RGS7: variants seen among roughly 807,000 people sequenced by gnomAD.
RGS7 encodes the protein regulator of G-protein signaling 7.
A neutral mutation model predicts 81.1 loss-of-function variants in RGS7; 27 were observed. The observed-to-expected ratio is 0.33, with a 90% confidence interval of 0.25 to 0.46. The LOEUF (loss-of-function observed/expected upper bound fraction) is 0.46, where lower values mean the gene tolerates loss of function less well. RGS7 is among the 20% of genes least tolerant of loss of function. RGS7 has a pLI of 1.00. For synonymous variants in RGS7, 208 were observed against 207.7 expected (o/e 1.00, Z -0.01); for missense variants, 396 against 607.4 (o/e 0.65, Z 3.66).
chr1:241,076,891 T>C (rs150420727), intron 3 of RGS7, among the ~76,000 whole-genome samples: 556 of 152,312 alleles, frequency 3.7e-3, no homozygotes, highest in Middle Eastern at 0.024. Flanking sequence ...TTTGTTCTCA[T>C]GGTAAAAATC....
intron 9 of RGS7, among the ~76,000 whole-genome samples, chr1:240,837,576 A>C (rs917915401): frequency 6.6e-6 from 1 of 152,182 alleles, no homozygotes; most frequent in Non-Finnish European, 1.5e-5. Flanking sequence ...GTGGGCTTAA[A>C]TGGGTCATCA....
At chr1:241,203,952 C>T (rs148080010) in intron 2 of RGS7, among the ~76,000 whole-genome samples, 17 of 152,282 alleles carry the variant, frequency 1.1e-4, no homozygotes, top group African/African-American at 3.9e-4. Context: ...AACTTATCTT[C>T]CCGAAATGAT....
chr1:240,878,791 T>C (rs1182352240), intron 6 of RGS7, among the ~76,000 whole-genome samples: 2 of 152,166 alleles, frequency 1.3e-5, no homozygotes, highest in African/African-American at 4.8e-5. Flanking sequence ...TAAAATAACA[T>C]TACTGAGATT....
intron 3 of RGS7, among the ~76,000 whole-genome samples, chr1:240,990,810 GT>G (rs1686345112): frequency 6.6e-6 from 1 of 152,180 alleles, no homozygotes; most frequent in African/African-American, 2.4e-5. Flanking sequence ...TTTCCTTTCA[GT>G]AAACCTCAGA....
intron 2 of RGS7, among the ~76,000 whole-genome samples, chr1:241,104,520 T>C (rs985321803): frequency 8.5e-5 from 13 of 152,340 alleles, no homozygotes; most frequent in African/African-American, 2.6e-4. Context: ...GCATTCACTT[T>C]TAACAAAATG....
intron 9 of RGS7, among the ~76,000 whole-genome samples, chr1:240,865,103 C>T (rs1662992921): frequency 6.6e-6 from 1 of 152,160 alleles, no homozygotes; most frequent in African/African-American, 2.4e-5. Context: ...TAATGTTCAA[C>T]TAACACTGCA....
At chr1:241,077,944 TG>T (rs1351163513) in intron 3 of RGS7, among the ~76,000 whole-genome samples, 2 of 152,112 alleles carry the variant, frequency 1.3e-5, no homozygotes, top group Admixed American at 6.5e-5. Flanking sequence ...GATTATTTTA[TG>T]ACGTCACATG....
At chr1:240,998,397 C>CTT in intron 3 of RGS7, 12 of 486,460 alleles carry the variant, frequency 2.5e-5, no homozygotes, top group South Asian at 4.9e-5. Flanking sequence ...TCTTCAAGTA[C>CTT]TTTTTTTTTT....
At chr1:240,910,872 CA>C (rs200011547) in intron 6 of RGS7, among the ~76,000 whole-genome samples, 1,854 of 152,222 alleles carry the variant, frequency 0.012, 24 homozygotes, top group South Asian at 0.028. Context: ...GTGTGTGCCA[CA>C]ACGCCCAACT....
At chr1:241,199,186 C>T (rs867776136) in intron 2 of RGS7, among the ~76,000 whole-genome samples, 12 of 151,918 alleles carry the variant, frequency 7.9e-5, no homozygotes, top group Admixed American at 4.6e-4. Context: ...CTTTATTGGC[C>T]GGTCTCACGC....
chr1:241,096,874 G>A (rs532450960), intron 3 of RGS7, among the ~76,000 whole-genome samples: 85 of 152,144 alleles, frequency 5.6e-4, no homozygotes, highest in African/African-American at 2.0e-3. Flanking sequence ...CATACACAGT[G>A]GAACTGACCA....
chr1:240,828,138 AG>A (rs1355743216), intron 9 of RGS7, among the ~76,000 whole-genome samples: 1 of 152,160 alleles, frequency 6.6e-6, no homozygotes, highest in Non-Finnish European at 1.5e-5. Context: ...CTTTTCCTTA[AG>A]GGCAGGTGAA....
At chr1:241,018,421 C>G (rs1374735902) in intron 3 of RGS7, among the ~76,000 whole-genome samples, 1 of 152,076 alleles carries the variant, frequency 6.6e-6, no homozygotes, top group Non-Finnish European at 1.5e-5. Flanking sequence ...CTTTATTTAT[C>G]TGGCTAGCAG....
intron 15 of RGS7, among the ~76,000 whole-genome samples, 192 bp downstream of exon 15, chr1:240,805,948 T>G (rs1688763539): frequency 1.3e-5 from 2 of 149,444 alleles, no homozygotes; most frequent in South Asian, 4.2e-4. Flanking sequence ...TTAGAAAATA[T>G]TCCCAGGTTT....
At chr1:241,353,032 C>T (rs1470760560) in intron 2 of RGS7, among the ~76,000 whole-genome samples, 21 of 152,214 alleles carry the variant, frequency 1.4e-4, no homozygotes, top group Admixed American at 1.3e-4. Flanking sequence ...AAGAACGATG[C>T]TTCAATAGTG....
intron 18 of RGS7, 52 bp downstream of exon 18, chr1:240,800,589 C>T: frequency 5.1e-6 from 6 of 1,169,918 alleles, no homozygotes; most frequent in Non-Finnish European, 7.4e-6. Context: ...CTAAACCACA[C>T]AACTCAACAG....
At position 240,936,459 on chromosome 1, in the gene RGS7, T is replaced by G. The variant is rs561959386; in HGVS notation, c.333+141A>C. On this transcript the variant is annotated intron_variant, in intron 5 of 18. Coordinates refer to ENST00000440928, the MANE Select transcript of RGS7 (RefSeq NM_001364886.1). ...TTTATTGCTTTTTATGTCTTTAGTTTAATGTTAATCAGTTTCTAACTAGCC... is the reference window on the plus strand; with the variant it reads ...TTTATTGCTTTTTATGTCTTTAGTTGAATGTTAATCAGTTTCTAACTAGCC... The G allele has an allele frequency of 4.1e-5, 28 of 678,226 alleles. No individual in the cohort carries two copies. The East Asian group carries it at 7.6e-4, about 18-fold the overall frequency. 42.0% of individuals were successfully genotyped at this position (678,226 alleles called of 1,614,324 possible).
chr1:240,884,849 G>A (rs1667070809), intron 6 of RGS7, among the ~76,000 whole-genome samples: 3 of 152,110 alleles, frequency 2.0e-5, no homozygotes, highest in Admixed American at 1.3e-4. Context: ...AACGGGCAAA[G>A]ATTTTATGAC....
At chr1:241,114,238 G>A (rs1455964228) in intron 2 of RGS7, among the ~76,000 whole-genome samples, 1 of 152,126 alleles carries the variant, frequency 6.6e-6, no homozygotes, top group African/African-American at 2.4e-5. Context: ...ACAAACCAGA[G>A]AAAGCTAGAC....
Sources: gnomAD v4.1 joint callset for allele counts (sites outside exome capture counted in the v4.1 genomes callset) on GRCh38, gnomAD v4.1.1 for gene constraint, MANE v1.5 for transcripts, NCBI Gene and HGNC (gene_info 2026-07-23, HGNC 2026-07-21) for gene names.